ROBO1: variants seen among roughly 807,000 people sequenced by gnomAD.
ROBO1 encodes roundabout homolog 1.
ROBO1 carries 149 observed loss-of-function variants against 195.9 expected under a neutral mutation model. The ratio of observed to expected loss-of-function variants is 0.76; its 90% CI spans 0.67 to 0.87. The LOEUF (loss-of-function observed/expected upper bound fraction) is 0.87, where lower values mean the gene tolerates loss of function less well. Ranked by LOEUF, ROBO1 falls within the 40% of genes least tolerant of loss-of-function variation. ROBO1 has a pLI of 0.00. For missense variants in ROBO1, 1,933 were observed against 2,068.3 expected, an observed-to-expected ratio of 0.93 and a Z score of 1.27; for synonymous variants, 816 against 733.2, an observed-to-expected ratio of 1.11 and a Z score of -1.82.
At chr3:79,454,660 A>G (rs2039556992) in intron 2 of ROBO1, among the ~76,000 whole-genome samples, 1 of 151,940 alleles carries the variant, frequency 6.6e-6, no homozygotes, top group Non-Finnish European at 1.5e-5. Flanking sequence ...ATTTCAAAGT[A>G]CCTCTGTGGA....
chr3:78,606,662 T>C (rs889810411), intron 29 of ROBO1, 71 bp downstream of exon 29: 3 of 1,475,170 alleles, frequency 2.0e-6, no homozygotes, highest in Non-Finnish European at 2.8e-6. Context: ...TACATGGCCA[T>C]ATAGAGCCTA....
intron 2 of ROBO1, among the ~76,000 whole-genome samples, chr3:79,139,713 C>T (rs761645602): frequency 6.6e-5 from 10 of 152,026 alleles, no homozygotes; most frequent in Non-Finnish European, 1.3e-4. Context: ...AGTTAATTTC[C>T]GGTCCATTTT....
intron 3 of ROBO1, among the ~76,000 whole-genome samples, chr3:79,028,377 A>AT (rs35906214): frequency 5.3e-5 from 8 of 151,770 alleles, no homozygotes; most frequent in Admixed American, 3.3e-4. Context: ...CATCATAAGA[A>AT]TTTTTTTCCC....
In ROBO1 at chr3:79,550,211, G is replaced by GAA. The variant is rs1329199309; in HGVS notation, c.88+39611_88+39612dup. On this transcript the variant is annotated intron_variant, in intron 2 of 30. Transcript: ENST00000464233. The stretch of plus-strand genomic sequence containing the variant: ...AGAAAGAAAGGAAAAGAAAAGAAAA[G>GAA]AAAAGAAAAGAAAAGAAAAGAAAAG... Among the ~76,000 whole-genome samples, 19 of 138,124 alleles carry GAA rather than the reference G, an allele frequency of 1.4e-4. 1 individual carries two copies. Among genetic ancestry groups the GAA allele is most frequent in the African/African-American group, 5.1e-4 (18 of 35,022 alleles). The allele number at this position is 138,124 out of a possible 152,430, so 90.6% of individuals were successfully genotyped here. A position where few individuals can be genotyped will look rare whatever the true frequency, so the allele number is the denominator to read the frequency against.
At chr3:79,570,240 G>A (rs546740857) in intron 2 of ROBO1, among the ~76,000 whole-genome samples, 28 of 151,408 alleles carry the variant, frequency 1.8e-4, no homozygotes, top group Admixed American at 6.6e-4. Context: ...ATATGCCTGT[G>A]AAAGTGAAAC....
rs79421185 is a variant in ROBO1 at position 79,175,177 on chromosome 3, G to A, written c.89-49638C>T. ...CCTATCCCTAGTAGAAACCCCAATG[G>A]GCTTAAACATCTTTACTTCTCAAAC... On this transcript the variant is annotated intron_variant, in intron 2 of 30. Transcript: ENST00000464233. Among the ~76,000 whole-genome samples the A allele has an allele frequency of 4.4e-3, 663 of 151,948 alleles. 20 individuals are homozygous for A. In the East Asian group the frequency reaches 0.081, roughly 19 times the overall value.
intron 2 of ROBO1, among the ~76,000 whole-genome samples, chr3:79,571,870 G>A (rs1427148303): frequency 2.6e-5 from 4 of 151,858 alleles, no homozygotes; most frequent in African/African-American, 9.7e-5. Context: ...TTTTTTCTGG[G>A]CTTCCTAAAT....
chr3:78,850,886 A>G (rs1187780357), intron 4 of ROBO1, among the ~76,000 whole-genome samples: 3 of 151,628 alleles, frequency 2.0e-5, no homozygotes, highest in Admixed American at 2.0e-4. Context: ...GGCTCACTGC[A>G]ACCTCCGCCT....
chr3:79,519,769 A>C (rs1345687697), intron 2 of ROBO1, among the ~76,000 whole-genome samples: 1 of 152,058 alleles, frequency 6.6e-6, no homozygotes, highest in African/African-American at 2.4e-5. Flanking sequence ...ATGTCTTCGC[A>C]AAATTAGATG....
At chr3:78,630,384 A>G (rs915812535) in intron 25 of ROBO1, among the ~76,000 whole-genome samples, 3 of 152,234 alleles carry the variant, frequency 2.0e-5, no homozygotes, top group African/African-American at 7.2e-5. Context: ...TTTTATAAAA[A>G]GATTATTAGA....
intron 30 of ROBO1, among the ~76,000 whole-genome samples, chr3:78,599,197 G>GAGTT (rs1703022566): frequency 6.6e-6 from 1 of 151,940 alleles, no homozygotes; most frequent in Non-Finnish European, 1.5e-5. Context: ...GGAATGTGTT[G>GAGTT]AGTTATCTAA....
chr3:78,654,023 T>A (rs903219094), intron 18 of ROBO1, among the ~76,000 whole-genome samples: 1 of 152,232 alleles, frequency 6.6e-6, no homozygotes, highest in Non-Finnish European at 1.5e-5. Flanking sequence ...TGCTTTAAGA[T>A]AGAAAGATTT....
At chr3:79,444,562 T>C (rs1019965932) in intron 2 of ROBO1, among the ~76,000 whole-genome samples, 30 of 152,152 alleles carry the variant, frequency 2.0e-4, no homozygotes, top group African/African-American at 6.8e-4. Context: ...GCATATGGAA[T>C]TGAACATTCA....
chr3:79,544,006 A>G lies in ROBO1; in HGVS notation c.88+45818T>C, dbSNP rs1456468514. On this transcript the variant is annotated intron_variant, in intron 2 of 30. Coordinates refer to ENST00000464233, the MANE Select transcript of ROBO1 (RefSeq NM_002941.4). ...ATTTCAGAAAGCATGGTAATTTCACACCATAAAAGTGACACCCTGGGGTAC... is the reference window on the plus strand; with the variant it reads ...ATTTCAGAAAGCATGGTAATTTCACGCCATAAAAGTGACACCCTGGGGTAC... 2.0e-5 allele frequency among the ~76,000 whole-genome samples: 3 copies of G among 152,236 alleles called. No individual in the cohort carries two copies. The East Asian group carries it at 5.8e-4, about 29-fold the overall frequency.
chr3:78,721,538 A>T (rs899998616), intron 5 of ROBO1, among the ~76,000 whole-genome samples: 4 of 152,188 alleles, frequency 2.6e-5, no homozygotes, highest in Non-Finnish European at 4.4e-5. Context: ...TTGTACAATG[A>T]TACATAAAAG....
At chr3:79,472,668 C>A (rs956510817) in intron 2 of ROBO1, among the ~76,000 whole-genome samples, 1 of 152,056 alleles carries the variant, frequency 6.6e-6, no homozygotes, top group African/African-American at 2.4e-5. Flanking sequence ...CATTCGAAAA[C>A]CAATTTTATT....
intron 1 of ROBO1, among the ~76,000 whole-genome samples, chr3:79,659,068 G>A (rs560866574): frequency 7.2e-5 from 11 of 152,002 alleles, no homozygotes; most frequent in East Asian, 1.9e-4. Flanking sequence ...TTCAATTAAC[G>A]TAGCATTAAT....
chr3:79,645,316 A>G (rs1408914400), intron 1 of ROBO1, among the ~76,000 whole-genome samples: 1 of 151,972 alleles, frequency 6.6e-6, no homozygotes, highest in Non-Finnish European at 1.5e-5. Context: ...AACTTGGGCA[A>G]CGTCACAAGG....
intron 3 of ROBO1, among the ~76,000 whole-genome samples, chr3:79,081,490 G>C (rs923394836): frequency 1.2e-4 from 18 of 152,092 alleles, no homozygotes; most frequent in African/African-American, 4.3e-4. Context: ...GTCTGTTCGG[G>C]GCTTCTGTTG....
Sources: allele counts gnomAD v4.1 joint callset (sites outside exome capture counted in the v4.1 genomes callset), GRCh38; gene constraint gnomAD v4.1.1; transcripts MANE v1.5; gene names NCBI Gene and HGNC (gene_info 2026-07-23, HGNC 2026-07-21).